Variants in PHF20L1 observed in about 807,000 individuals in gnomAD.
PHF20L1 encodes the protein PHD finger protein 20 like 1, also known as PHD finger protein 20-like protein 1.
PHF20L1 carries 44 observed loss-of-function variants against 125.5 expected under a neutral mutation model. The observed-to-expected ratio is 0.35, with a 90% CI of 0.28 to 0.45. PHF20L1 has a LOEUF of 0.45. Ranked by LOEUF, PHF20L1 falls within the 20% of genes least tolerant of loss-of-function variation. The pLI is 1.00. For synonymous variants in PHF20L1, 380 were observed against 403.1 expected (o/e 0.94, Z 0.69); for missense variants, 1,012 against 1,217.2 (o/e 0.83, Z 2.51).
At chr8:132,807,171 G>A (rs1397771250) in intron 8 of PHF20L1, 1 of 152,716 alleles carries the variant, frequency 6.5e-6, no homozygotes, top group African/African-American at 2.4e-5. Flanking sequence ...TATCATATAT[G>A]TACACATATG....
intron 14 of PHF20L1, among the ~76,000 whole-genome samples, chr8:132,829,798 A>G (rs1025904080): frequency 6.6e-6 from 1 of 151,998 alleles, no homozygotes; most frequent in African/African-American, 2.4e-5. Context: ...TTCTTGGGCA[A>G]TTTGCTTCAT....
chr8:132,784,397 T>C (rs1377399508), intron 2 of PHF20L1, among the ~76,000 whole-genome samples: 1 of 152,212 alleles, frequency 6.6e-6, no homozygotes, highest in Non-Finnish European at 1.5e-5. Context: ...TTCTCTGCTT[T>C]AATGACCTTG....
chr8:132,795,199 A>G (rs1832240832), intron 4 of PHF20L1, among the ~76,000 whole-genome samples: 1 of 152,150 alleles, frequency 6.6e-6, no homozygotes, highest in Non-Finnish European at 1.5e-5. Flanking sequence ...AGTTCAATTC[A>G]CAAGTGAAAT....
intron 15 of PHF20L1, among the ~76,000 whole-genome samples, chr8:132,835,725 G>A (rs1837283349): frequency 6.6e-6 from 1 of 152,094 alleles, no homozygotes; most frequent in Non-Finnish European, 1.5e-5. Context: ...AAGAAATACT[G>A]GTAAAGTCAT....
rs191143429 is a variant in PHF20L1 at position 132,778,130 on chromosome 8, T to A, written c.83+219T>A. On this transcript the variant is annotated intron_variant, in intron 2 of 20. Coordinates refer to ENST00000395386, the MANE Select transcript of PHF20L1 (RefSeq NM_016018.5). ...CAACTGACTAAATTATTTAGAACAA[T>A]CATTTTTGGTGTTTGAGAAATGAAA... is the stretch of plus-strand genomic sequence containing the variant. 3.5e-3 allele frequency among the ~76,000 whole-genome samples: 535 copies of A among 152,320 alleles called. 2 individuals are homozygous for A. Among genetic ancestry groups the A allele is most frequent in the Non-Finnish European group, 5.1e-3 (345 of 68,008 alleles).
intron 14 of PHF20L1, chr8:132,826,906 G>T (rs115195468): frequency 6.6e-6 from 1 of 151,746 alleles, no homozygotes; most frequent in Non-Finnish European, 1.5e-5. Context: ...AAATCCAACC[G>T]GGCAGTTTTG....
At chr8:132,842,309 AT>A (rs763804589) in intron 18 of PHF20L1, 6 of 429,794 alleles carry the variant, frequency 1.4e-5, no homozygotes, top group Admixed American at 3.9e-5. Context: ...TAAATTTGTT[AT>A]TGCTTTTCTG....
intron 1 of PHF20L1, among the ~76,000 whole-genome samples, 174 bp downstream of exon 1, chr8:132,775,819 C>A (rs906937634): frequency 6.6e-6 from 1 of 152,156 alleles, no homozygotes; most frequent in Non-Finnish European, 1.5e-5. Context: ...CCTTCCTTAC[C>A]CCCCTGCGGA....
At chr8:132,834,188 A>G (rs1250107087) in intron 15 of PHF20L1, among the ~76,000 whole-genome samples, 1 of 152,224 alleles carries the variant, frequency 6.6e-6, no homozygotes, top group African/African-American at 2.4e-5. Context: ...TCAGCTAAGC[A>G]TAAGTTTAAT....
chr8:132,807,890 ATTC>A (rs1451798470), intron 8 of PHF20L1: 1 of 369,388 alleles, frequency 2.7e-6, no homozygotes, highest in African/African-American at 2.2e-5. Flanking sequence ...CCATAGGGGT[ATTC>A]TTCTAGAAGA....
In PHF20L1 at chr8:132,832,227, T is replaced by C. The variant is rs757998562; in HGVS notation, c.1745-8T>C. ...TATTAATATTTCTTTCTGTATCTTATGTTGCAGACTATTCAGACTATGAAG... is the reference window on the plus strand; with the variant it reads ...TATTAATATTTCTTTCTGTATCTTACGTTGCAGACTATTCAGACTATGAAG... On this transcript the variant is annotated splice_region_variant and splice_polypyrimidine_tract_variant and intron_variant, in intron 14 of 20. Transcript: ENST00000395386. 12 of 1,535,164 alleles carry C rather than the reference T, an allele frequency of 7.8e-6. No individual in the cohort carries two copies. Among genetic ancestry groups the C allele is most frequent in the Admixed American group, 6.8e-5 (4 of 59,058 alleles).
At chr8:132,787,246 C>T (rs1428603167) in intron 2 of PHF20L1, among the ~76,000 whole-genome samples, 1 of 150,410 alleles carries the variant, frequency 6.6e-6, no homozygotes, top group Non-Finnish European at 1.5e-5. Flanking sequence ...ATAGGCATGG[C>T]AGGATTCAGG....
At chr8:132,816,196 A>C (rs1834964511) in intron 10 of PHF20L1, 1 of 151,914 alleles carries the variant, frequency 6.6e-6, no homozygotes, top group African/African-American at 2.4e-5. Flanking sequence ...ATTTCCAAAT[A>C]TTTATATTAT....
intron 2 of PHF20L1, among the ~76,000 whole-genome samples, chr8:132,780,059 G>A (rs1830252448): frequency 6.6e-6 from 1 of 151,482 alleles, no homozygotes; most frequent in Non-Finnish European, 1.5e-5. Context: ...AAAGATTTTG[G>A]CACTCTGTTT....
At chr8:132,784,069 G>C (rs184857471) in intron 2 of PHF20L1, among the ~76,000 whole-genome samples, 1 of 152,052 alleles carries the variant, frequency 6.6e-6, no homozygotes, top group Non-Finnish European at 1.5e-5. Context: ...AGAAAGCCCC[G>C]TAAATTCCTT....
chr8:132,809,411 C>T (rs1038659074), intron 8 of PHF20L1: 1 of 152,260 alleles, frequency 6.6e-6, no homozygotes, highest in African/African-American at 2.4e-5. Context: ...AGGTGATTCT[C>T]CCATCTCAGC....
intron 2 of PHF20L1, among the ~76,000 whole-genome samples, chr8:132,793,885 A>T (rs1048747108): frequency 6.6e-6 from 1 of 152,140 alleles, no homozygotes; most frequent in Non-Finnish European, 1.5e-5. Flanking sequence ...TTACATATTT[A>T]TATTTATGCT....
chr8:132,814,998 T>A (rs1192294235), intron 10 of PHF20L1, 109 bp downstream of exon 10: 6 of 784,928 alleles, frequency 7.6e-6, no homozygotes, highest in Non-Finnish European at 1.2e-5. Flanking sequence ...AAAACTCAAG[T>A]GGATATGATA....
chr8:132,822,022 T>A (rs1249057894), intron 12 of PHF20L1, among the ~76,000 whole-genome samples: 2 of 151,944 alleles, frequency 1.3e-5, no homozygotes, highest in African/African-American at 4.8e-5. Flanking sequence ...GTTTTCCTAT[T>A]TGTGTGTATT....
Sources: allele counts gnomAD v4.1 joint callset (sites outside exome capture counted in the v4.1 genomes callset), GRCh38; gene constraint gnomAD v4.1.1; transcripts MANE v1.5; gene names NCBI Gene and HGNC (gene_info 2026-07-23, HGNC 2026-07-21).